The following CCBE1 variants were observed in gnomAD, a reference collection of about 807,000 sequenced individuals.
CCBE1 encodes collagen and calcium-binding EGF domain-containing protein 1.
Under a neutral mutation model 50.0 loss-of-function variants are expected in CCBE1, and 37 were observed. The ratio of observed to expected loss-of-function variants is 0.74; its 90% CI spans 0.57 to 0.97. The LOEUF is 0.97. Among genes scored for constraint, CCBE1 ranks in the 50% least tolerant of loss-of-function variants. The pLI, the probability that CCBE1 is intolerant of heterozygous loss-of-function variation, is 0.00. For synonymous variants in CCBE1, 234 were observed against 203.7 expected (o/e 1.15, Z -1.27); for missense variants, 538 against 523.8 (o/e 1.03, Z -0.26).
At chr18:59,507,380 T>A (rs1285955800) in intron 2 of CCBE1, among the ~76,000 whole-genome samples, 1 of 152,228 alleles carries the variant, frequency 6.6e-6, no homozygotes, top group African/African-American at 2.4e-5. Flanking sequence ...AGCTCTGAGC[T>A]GGTGGTCTCA....
intron 2 of CCBE1, among the ~76,000 whole-genome samples, chr18:59,546,156 T>C (rs1915673966): frequency 6.6e-6 from 1 of 152,378 alleles, no homozygotes; most frequent in Non-Finnish European, 1.5e-5. Flanking sequence ...ATGAACTATA[T>C]GCTGAATATT....
intron 2 of CCBE1, among the ~76,000 whole-genome samples, chr18:59,684,017 T>C (rs942409131): frequency 6.6e-6 from 1 of 152,178 alleles, no homozygotes; most frequent in Non-Finnish European, 1.5e-5. Context: ...CCCTTTTTCA[T>C]TGACCTTAAT....
rs764049052 is a variant in CCBE1, at chr18:59,657,279, C to T, written c.212+39350G>A. Reference sequence around the variant, plus strand: ...TCAGAGCTTCAAGGCATGCCCAGGACGGAGAGGTGGTTCCACAGTGTGAAA... The same window carrying T: ...TCAGAGCTTCAAGGCATGCCCAGGATGGAGAGGTGGTTCCACAGTGTGAAA... On this transcript the variant is annotated intron_variant, in intron 2 of 10. Coordinates refer to ENST00000439986, the MANE Select transcript of CCBE1 (RefSeq NM_133459.4). 4.6e-5 allele frequency among the ~76,000 whole-genome samples: 7 copies of T among 152,214 alleles called. No homozygotes were observed. The East Asian group carries it at 5.8e-4, about 13-fold the overall frequency.
chr18:59,608,468 G>T (rs2053529672), intron 2 of CCBE1, among the ~76,000 whole-genome samples: 1 of 152,156 alleles, frequency 6.6e-6, no homozygotes, highest in Non-Finnish European at 1.5e-5. Context: ...TTTCTAAGAA[G>T]AGTCACCCTC....
At chr18:59,669,259 T>G (rs1003884114) in intron 2 of CCBE1, among the ~76,000 whole-genome samples, 11 of 152,282 alleles carry the variant, frequency 7.2e-5, no homozygotes, top group African/African-American at 2.4e-4. Context: ...CAGATATTGT[T>G]TATAAACATT....
At chr18:59,517,797 A>C (rs1379844175) in intron 2 of CCBE1, among the ~76,000 whole-genome samples, 4 of 152,382 alleles carry the variant, frequency 2.6e-5, no homozygotes, top group Non-Finnish European at 4.4e-5. Flanking sequence ...GTTCAGAGCC[A>C]CAACTACTGA....
chr18:59,658,775 G>A (rs893328696), intron 2 of CCBE1, among the ~76,000 whole-genome samples: 1 of 150,258 alleles, frequency 6.7e-6, no homozygotes, highest in Non-Finnish European at 1.5e-5. Context: ...AGCTACTTGG[G>A]AGGCTGAGGC....
At chr18:59,509,800 G>A (rs148583838) in intron 2 of CCBE1, among the ~76,000 whole-genome samples, 96 of 143,726 alleles carry the variant, frequency 6.7e-4, no homozygotes, top group Non-Finnish European at 1.1e-3. Flanking sequence ...TTTTTAGATC[G>A]GGCTGATTTA....
In CCBE1 at chr18:59,433,606, G is replaced by GT. The variant is rs1278025171; in HGVS notation, c.*2301_*2302insA. 3.9e-5 allele frequency: 3 copies of GT among 75,976 alleles called. No individual in the cohort carries two copies. Among genetic ancestry groups the GT allele is most frequent in the Non-Finnish European group, 7.5e-5 (3 of 40,140 alleles). 4.7% of individuals were successfully genotyped at this position (75,976 alleles called of 1,614,324 possible). ...GGTGGCATTCAAACACAACAAAAGG[G>GT]ATATTTTTTTTTTTTTGAGACAGAG... is the stretch of plus-strand genomic sequence containing the variant. On this transcript the variant is annotated 3_prime_UTR_variant, in exon 11 of 11. Transcript: ENST00000439986.
At chr18:59,501,891 T>G (rs1913639117) in intron 2 of CCBE1, among the ~76,000 whole-genome samples, 1 of 152,168 alleles carries the variant, frequency 6.6e-6, no homozygotes. Context: ...AATGCAGCCT[T>G]GACCTTCTGG....
intron 2 of CCBE1, among the ~76,000 whole-genome samples, chr18:59,494,964 G>A (rs527815241): frequency 6.6e-6 from 1 of 152,224 alleles, no homozygotes; most frequent in East Asian, 1.9e-4. Context: ...GACCAGCCTG[G>A]CCAACATGGT....
intron 2 of CCBE1, among the ~76,000 whole-genome samples, chr18:59,560,331 C>A (rs1271921440): frequency 6.6e-6 from 1 of 152,156 alleles, no homozygotes; most frequent in African/African-American, 2.4e-5. Context: ...GCATCATTCT[C>A]AGCAAACTAA....
intron 2 of CCBE1, chr18:59,666,116 G>A (rs1169369610): frequency 6.6e-6 from 1 of 152,250 alleles, no homozygotes; most frequent in African/African-American, 2.4e-5. Context: ...CACGGCAAAA[G>A]GCGAGGAGGA....
intron 2 of CCBE1, among the ~76,000 whole-genome samples, chr18:59,694,017 G>A (rs2054772443): frequency 6.6e-6 from 1 of 151,742 alleles, no homozygotes; most frequent in African/African-American, 2.4e-5. Flanking sequence ...TACTACAGGT[G>A]TGTGCCACCA....
chr18:59,683,905 T>G (rs1247205570), intron 2 of CCBE1, among the ~76,000 whole-genome samples: 8 of 150,354 alleles, frequency 5.3e-5, no homozygotes, highest in Non-Finnish European at 1.0e-4. Context: ...CAAGACATGG[T>G]CCCGGCTGTG....
At chr18:59,507,667 A>G (rs1913938196) in intron 2 of CCBE1, among the ~76,000 whole-genome samples, 1 of 152,150 alleles carries the variant, frequency 6.6e-6, no homozygotes, top group East Asian at 1.9e-4. Flanking sequence ...GTCACATGAG[A>G]GTAGTTACCT....
intron 2 of CCBE1, among the ~76,000 whole-genome samples, chr18:59,590,066 C>T (rs545072864): frequency 1.3e-3 from 199 of 152,262 alleles, no homozygotes; most frequent in African/African-American, 4.6e-3. Context: ...ACTTACCTTT[C>T]TTAATGTGAA....
At chr18:59,518,424 G>A (rs933903992) in intron 2 of CCBE1, among the ~76,000 whole-genome samples, 5 of 152,240 alleles carry the variant, frequency 3.3e-5, no homozygotes, top group Admixed American at 1.3e-4. Context: ...TTGGGAGGCA[G>A]AGGTTGCAGT....
At chr18:59,436,287 GC>G in intron 10 of CCBE1, 146 bp from the exon 11 acceptor site, 1 of 718,334 alleles carries the variant, frequency 1.4e-6, no homozygotes, top group Non-Finnish European at 2.5e-6. Context: ...TGCTACAGGA[GC>G]CTGGGGGTCC....
Sources: gnomAD v4.1 joint callset for allele counts (sites outside exome capture counted in the v4.1 genomes callset) on GRCh38, gnomAD v4.1.1 for gene constraint, MANE v1.5 for transcripts, NCBI Gene and HGNC (gene_info 2026-07-23, HGNC 2026-07-21) for gene names.